Variants in TBC1D22A observed in about 807,000 individuals in gnomAD.
TBC1D22A encodes TBC1 domain family member 22A, also known as putative GTPase activator.
TBC1D22A carries 38 observed loss-of-function variants against 60.2 expected under a neutral mutation model. That is an observed-to-expected ratio of 0.63 (90% CI 0.49 to 0.83). TBC1D22A has a LOEUF of 0.83. Among genes scored for constraint, TBC1D22A ranks in the 40% least tolerant of loss-of-function variants. The probability of loss-of-function intolerance (pLI) is 0.00; values close to 1 mark genes in which losing one functional copy is unlikely to be tolerated. For synonymous variants in TBC1D22A, 302 were observed against 281.7 expected, an observed-to-expected ratio of 1.07 and a Z score of -0.72; for missense variants, 628 against 701.0, an observed-to-expected ratio of 0.90 and a Z score of 1.18.
chr22:47,021,872 T>C (rs1479837719), intron 10 of TBC1D22A, among the ~76,000 whole-genome samples: 1 of 152,178 alleles, frequency 6.6e-6, no homozygotes, highest in Non-Finnish European at 1.5e-5. Flanking sequence ...AGCTCTGACG[T>C]TCCTGGGTCA....
chr22:47,046,963 T>TG lies in TBC1D22A; in HGVS notation c.1329+9769dup, dbSNP rs555474820. Among the ~76,000 whole-genome samples, 247 of 152,342 alleles carry TG rather than the reference T, an allele frequency of 1.6e-3. 4 individuals are homozygous for TG. Among genetic ancestry groups the TG allele is most frequent in the African/African-American group, 5.6e-3 (233 of 41,576 alleles). ...CAGGCCACAAAGAGTGTACTTTCTT[T>TG]GGGGCATTTTTGGTAAGCTTTCAGA... is the stretch of plus-strand genomic sequence containing the variant. On this transcript the variant is annotated intron_variant, in intron 11 of 12. Transcript: ENST00000337137.
chr22:47,070,414 G>C (rs1402293086), intron 11 of TBC1D22A, among the ~76,000 whole-genome samples: 1 of 148,148 alleles, frequency 6.8e-6, no homozygotes, highest in African/African-American at 2.5e-5. Flanking sequence ...GACGGTTCCA[G>C]GTTGTTCCCT....
intron 12 of TBC1D22A, among the ~76,000 whole-genome samples, chr22:47,125,048 G>A (rs927044689): frequency 1.3e-5 from 2 of 152,070 alleles, no homozygotes; most frequent in Non-Finnish European, 2.9e-5. Flanking sequence ...CTGAGGGTGA[G>A]CACAGGGACC....
In TBC1D22A at chr22:46,854,316, C is replaced by G. The variant is rs141697530; in HGVS notation, c.638-24337C>G. 5.8e-4 allele frequency among the ~76,000 whole-genome samples: 89 copies of G among 152,268 alleles called. 1 individual carries two copies. Among genetic ancestry groups the G allele is most frequent in the African/African-American group, 2.1e-3 (87 of 41,546 alleles). On this transcript the variant is annotated intron_variant, in intron 4 of 12. Transcript: ENST00000337137. ...ACTGCTCTCCAGGATGACAAATTGTCACGTGGAAACCAGTGCACGGCGCAG... is the reference window on the plus strand; with the variant it reads ...ACTGCTCTCCAGGATGACAAATTGTGACGTGGAAACCAGTGCACGGCGCAG...
At chr22:47,085,668 T>A (rs1232893729) in intron 11 of TBC1D22A, among the ~76,000 whole-genome samples, 1 of 152,068 alleles carries the variant, frequency 6.6e-6, no homozygotes, top group Non-Finnish European at 1.5e-5. Context: ...ATGTCAGAAG[T>A]CGTCAAGATA....
At chr22:46,957,847 A>G (rs1004916424) in intron 8 of TBC1D22A, among the ~76,000 whole-genome samples, 1 of 152,224 alleles carries the variant, frequency 6.6e-6, no homozygotes, top group East Asian at 1.9e-4. Flanking sequence ...AGGGACGGCC[A>G]TCAAACAGTG....
At chr22:46,828,739 C>G (rs1200378555) in intron 4 of TBC1D22A, among the ~76,000 whole-genome samples, 1 of 152,196 alleles carries the variant, frequency 6.6e-6, no homozygotes, top group Admixed American at 6.5e-5. Flanking sequence ...TCCCACCCTC[C>G]TGTCTCTGTT....
intron 12 of TBC1D22A, among the ~76,000 whole-genome samples, chr22:47,125,443 C>A (rs1170099711): frequency 6.6e-6 from 1 of 152,236 alleles, no homozygotes; most frequent in Non-Finnish European, 1.5e-5. Context: ...CTTCTTTATA[C>A]TTCGAAAAGC....
intron 4 of TBC1D22A, among the ~76,000 whole-genome samples, chr22:46,871,279 C>T (rs1478805584): frequency 2.6e-5 from 4 of 152,182 alleles, no homozygotes. Context: ...GAAAATTTAA[C>T]AGCCCTCCGT....
chr22:46,769,379 C>T (rs1487743016), intron 1 of TBC1D22A, among the ~76,000 whole-genome samples: 1 of 152,244 alleles, frequency 6.6e-6, no homozygotes, highest in Non-Finnish European at 1.5e-5. Context: ...GTGCCAGGTG[C>T]TGTGGTGCGT....
rs1034292237 is a variant in TBC1D22A at position 46,990,503 on chromosome 22, A to C, written c.1126-7131A>C. Among the ~76,000 whole-genome samples the C allele has an allele frequency of 1.3e-5, 2 of 152,118 alleles. No individual in the cohort carries two copies. The highest frequency in any genetic ancestry group is 1.3e-4 in the Admixed American group (2 of 15,280). ...GCATATGTGTTACAATTGAGGAGCC[A>C]ATATCGATACATTATTGTCAACTAA... On this transcript the variant is annotated intron_variant, in intron 9 of 12. Coordinates refer to ENST00000337137, the MANE Select transcript of TBC1D22A (RefSeq NM_014346.5). The surrounding 1 kb of genome is among the most constrained non-coding windows in gnomAD (Gnocchi z 4.6).
intron 1 of TBC1D22A, 63 bp from the exon 2 acceptor site, chr22:46,792,457 T>C: frequency 1.2e-6 from 2 of 1,608,924 alleles, no homozygotes; most frequent in South Asian, 2.2e-5. Flanking sequence ...TCGGCTGAGC[T>C]GGTGGAGGGC....
intron 12 of TBC1D22A, among the ~76,000 whole-genome samples, chr22:47,140,127 A>G (rs1311887393): frequency 6.6e-6 from 1 of 152,022 alleles, no homozygotes; most frequent in Non-Finnish European, 1.5e-5. Flanking sequence ...CCACAGACCT[A>G]ATGTTGAGCA....
Position 47,093,024 on chromosome 22 carries a change from G to T in TBC1D22A, c.1330-18484G>T, listed in dbSNP as rs78250852. Among the ~76,000 whole-genome samples, 825 of 152,318 alleles carry T rather than the reference G, an allele frequency of 5.4e-3. 6 individuals carry two copies. The highest frequency in any genetic ancestry group is 0.019 in the African/African-American group (790 of 41,580). On this transcript the variant is annotated intron_variant, in intron 11 of 12. Coordinates refer to ENST00000337137, the MANE Select transcript of TBC1D22A (RefSeq NM_014346.5). ...AAATGGGAGGAGGAGCATCGAGGGTGGCTGAGGTTAGCAGCAGAAAGTTAA... is the reference window on the plus strand; with the variant it reads ...AAATGGGAGGAGGAGCATCGAGGGTTGCTGAGGTTAGCAGCAGAAAGTTAA...
intron 11 of TBC1D22A, among the ~76,000 whole-genome samples, chr22:47,091,221 G>A (rs970922643): frequency 2.1e-5 from 3 of 144,574 alleles, no homozygotes; most frequent in African/African-American, 7.8e-5. Context: ...ATAGAGACAG[G>A]CAGGAGAAGT....
In TBC1D22A at chr22:47,108,764, C is replaced by CG. The variant is rs1268646651; in HGVS notation, c.1330-2742dup. Among the ~76,000 whole-genome samples the CG allele has an allele frequency of 5.9e-5, 9 of 152,292 alleles. No homozygotes were observed. In the East Asian group the frequency reaches 1.7e-3, roughly 29 times the overall value. On this transcript the variant is annotated intron_variant, in intron 11 of 12. Coordinates refer to ENST00000337137, the MANE Select transcript of TBC1D22A (RefSeq NM_014346.5). ...AAGCTGGAGTGCAGTGGCTCGATCT[C>CG]GGCTCACTGCAAGCTCCGCCTCCCA...
rs1320681334 is a variant in TBC1D22A at position 46,821,333 on chromosome 22, T to C, written c.637+23713T>C. 3.3e-5 allele frequency among the ~76,000 whole-genome samples: 5 copies of C among 152,146 alleles called. No individual in the cohort carries two copies. The South Asian group carries it at 8.3e-4, about 25-fold the overall frequency. ...TTGATGCAGTTGCTTCATAGTGTCATTGGTCTTTATATTTTGGTGTTTTTT... is the reference window on the plus strand; with the variant it reads ...TTGATGCAGTTGCTTCATAGTGTCACTGGTCTTTATATTTTGGTGTTTTTT... On this transcript the variant is annotated intron_variant, in intron 4 of 12. Coordinates refer to ENST00000337137, the MANE Select transcript of TBC1D22A (RefSeq NM_014346.5).
At chr22:46,899,087 C>G (rs1028913035) in intron 7 of TBC1D22A, among the ~76,000 whole-genome samples, 4 of 152,056 alleles carry the variant, frequency 2.6e-5, no homozygotes, top group African/African-American at 9.7e-5. Context: ...GAGTGGGTAA[C>G]CTGAGCACAG....
chr22:46,805,987 G>A (rs2085114717), intron 4 of TBC1D22A, among the ~76,000 whole-genome samples: 1 of 146,394 alleles, frequency 6.8e-6, no homozygotes, highest in Admixed American at 7.0e-5. Flanking sequence ...TGAGTAGCTG[G>A]GATTACAGGC....
Sources: allele counts gnomAD v4.1 joint callset (sites outside exome capture counted in the v4.1 genomes callset), GRCh38; gene constraint gnomAD v4.1.1; non-coding constraint Gnocchi (gnomAD v3.1); transcripts MANE v1.5; gene names NCBI Gene and HGNC (gene_info 2026-07-23, HGNC 2026-07-21).